The following MYH4 variants were observed in gnomAD, a reference collection of about 807,000 sequenced individuals.
MYH4 encodes myosin-4.
MYH4 carries 200 observed loss-of-function variants against 229.9 expected under a neutral mutation model. That is an observed-to-expected ratio of 0.87 (90% CI 0.78 to 0.98). The LOEUF is 0.98. Among genes scored for constraint, MYH4 ranks in the 50% least tolerant of loss-of-function variants. The pLI is 0.00. For missense variants in MYH4, 2,148 were observed against 2,332.6 expected (o/e 0.92, Z 1.63); for synonymous variants, 761 against 834.6 (o/e 0.91, Z 1.52).
chr17:10,467,634 A>G (rs1362705984), intron 2 of MYH4, among the ~76,000 whole-genome samples: 2 of 152,178 alleles, frequency 1.3e-5, no homozygotes, highest in African/African-American at 2.4e-5. Context: ...TCAACCTAAC[A>G]TATTTTAAAA....
In MYH4 at chr17:10,455,847, G is replaced by A. The variant is rs767615835; in HGVS notation, c.2023C>T (p.Arg675Trp). 1.4e-5 allele frequency: 23 copies of A among 1,614,044 alleles called. No homozygotes were observed. The East Asian group carries it at 2.0e-4, about 14-fold the overall frequency. The change falls in exon 18 of 40, where the codon CGG becomes TGG. Residue 675 changes from arginine to tryptophan, a missense_variant. Coordinates refer to ENST00000255381, the MANE Select transcript of MYH4 (RefSeq NM_017533.2). Reference sequence around the variant, plus strand: ...TTAGTTTCATTGGGGATGATGCACCGCACAAAGTGGGGGTGAGTGCTCCTC... The same window carrying A: ...TTAGTTTCATTGGGGATGATGCACCACACAAAGTGGGGGTGAGTGCTCCTC... ...NLRSTHPHFV[R>W]CIIPNETKTP...
At chr17:10,462,737 G>A (rs752277757) in intron 11 of MYH4, 128 bp downstream of exon 11, 1 of 692,270 alleles carries the variant, frequency 1.4e-6, no homozygotes, top group Non-Finnish European at 2.2e-6. Flanking sequence ...TTTTCCAAAA[G>A]TAAGAAAGCC....
chr17:10,463,119 A>T lies in MYH4; in HGVS notation c.875T>A (p.Ile292Asn). Residue 292 changes from isoleucine to asparagine, a missense_variant, in exon 10 of 40, where the codon ATC (isoleucine) becomes AAC (asparagine). Physicochemically the swap from Ile to Asn is moderately radical, Grantham distance 149. Coordinates refer to ENST00000255381, the MANE Select transcript of MYH4 (RefSeq NM_017533.2). ...GAGCTCTGGTTTCTTATTGGACAGG[A>T]TTTGATAAAATATGTGGTAGCTTCT... ...AERSYHIFYQ[I>N]LSNKKPELIE... 6.2e-7 allele frequency: 1 copy of T among 1,613,508 alleles called. No homozygotes were observed. Among genetic ancestry groups the T allele is most frequent in the Non-Finnish European group, 8.5e-7 (1 of 1,179,634 alleles).
rs1170836045 is a variant in MYH4, at chr17:10,443,734, A to G, written c.5668-207T>C. On this transcript the variant is annotated intron_variant, in intron 39 of 39. Transcript: ENST00000255381. The surrounding 1 kb of genome is among the most constrained non-coding windows in gnomAD (Gnocchi z 4.6). Reference sequence around the variant, plus strand: ...TCAGGAATTCGAGACCAGCCTGGCCAACATGGTGAAACCCCCATCTTTACT... The same window carrying G: ...TCAGGAATTCGAGACCAGCCTGGCCGACATGGTGAAACCCCCATCTTTACT... 6.6e-6 allele frequency among the ~76,000 whole-genome samples: 1 copy of G among 152,114 alleles called. No individual in the cohort carries two copies. The highest frequency in any genetic ancestry group is 1.5e-5 in the Non-Finnish European group (1 of 68,028).
At position 10,457,578 on chromosome 17, in the gene MYH4, A is replaced by G. The variant is rs764871122; in HGVS notation, c.1739T>C (p.Phe580Ser). The change falls in exon 16 of 40, where the codon TTC (phenylalanine) becomes TCC (serine). Residue 580 changes from phenylalanine (F) to serine (S), a missense_variant. Coordinates refer to ENST00000255381, the MANE Select transcript of MYH4 (RefSeq NM_017533.2). Reference protein sequence around the residue: ...KPAKGKPEAHFSLVHYAGTVD... With the variant: ...KPAKGKPEAHSSLVHYAGTVD... ...GGTGCCGGCATAGTGCACCAGTGAGAAGTGAGCCTCAGGCTTGCCTTTGGC... is the reference window on the plus strand; with the variant it reads ...GGTGCCGGCATAGTGCACCAGTGAGGAGTGAGCCTCAGGCTTGCCTTTGGC... The G allele has an allele frequency of 1.2e-6, 2 of 1,614,132 alleles. No individual in the cohort carries two copies. Among genetic ancestry groups the G allele is most frequent in the Admixed American group, 3.3e-5 (2 of 60,018 alleles).
Position 10,445,127 on chromosome 17 carries a change from T to A in MYH4, c.5315A>T (p.Glu1772Val). The change falls in exon 37 of 40, where the codon GAG (glutamate) becomes GTG (valine). Residue 1772 changes from glutamate (E) to valine (V), a missense_variant. Transcript: ENST00000255381. ...GCTGGTGTCCTGTTCCTTCTTCAGC[T>A]CCTCAGCCATCATGGCAGCCTAGTT... ...AITDAAMMAE[E>V]LKKEQDTSAH... 2.5e-6 allele frequency: 4 copies of A among 1,614,166 alleles called. No homozygotes were observed. Among genetic ancestry groups the A allele is most frequent in the Non-Finnish European group, 3.4e-6 (4 of 1,180,030 alleles).
chr17:10,457,052 C>A (rs185559020), intron 16 of MYH4, among the ~76,000 whole-genome samples: 1 of 152,334 alleles, frequency 6.6e-6, no homozygotes, highest in Non-Finnish European at 1.5e-5. Context: ...ACTTCAGTTC[C>A]CCAAGCACTA....
intron 16 of MYH4, among the ~76,000 whole-genome samples, chr17:10,456,950 C>T (rs764331763): frequency 1.3e-5 from 2 of 152,336 alleles, no homozygotes; most frequent in Middle Eastern, 3.4e-3. Context: ...AGGTGAGCCT[C>T]TGCTCACCTG....
chr17:10,461,289 G>A (rs1273554398), intron 11 of MYH4, among the ~76,000 whole-genome samples: 1 of 152,150 alleles, frequency 6.6e-6, no homozygotes, highest in East Asian at 1.9e-4. Context: ...AGCATATGAT[G>A]TGACTTGTCC....
At chr17:10,462,755 T>G in intron 11 of MYH4, 110 bp downstream of exon 11, 1 of 824,542 alleles carries the variant, frequency 1.2e-6, no homozygotes, top group Non-Finnish European at 1.8e-6. Context: ...GCCCAAAGGG[T>G]TGTATTACCT....
At chr17:10,452,572 T>G (rs1240474386) in intron 25 of MYH4, 66 bp from the exon 26 acceptor site, 1 of 1,492,942 alleles carries the variant, frequency 6.7e-7, no homozygotes, top group Non-Finnish European at 9.2e-7. Flanking sequence ...CTATGTATAA[T>G]CTAAGACTTT....
rs572596249 is a variant in MYH4 at position 10,444,779 on chromosome 17, T to C, written c.5571+16A>G. ...TTGAAAACTATAGGCCTGGAAGATATGAAAACACTGGTCACCTGGTAAGTG... is the reference window on the plus strand; with the variant it reads ...TTGAAAACTATAGGCCTGGAAGATACGAAAACACTGGTCACCTGGTAAGTG... On this transcript the variant is annotated intron_variant, in intron 38 of 39. Transcript: ENST00000255381. 2.4e-5 allele frequency: 39 copies of C among 1,613,730 alleles called. No homozygotes were observed. Among genetic ancestry groups the C allele is most frequent in the South Asian group, 1.9e-4 (17 of 91,062 alleles).
chr17:10,454,860 T>A (rs1427571652), intron 21 of MYH4, 50 bp from the exon 22 acceptor site: 10 of 1,610,204 alleles, frequency 6.2e-6, no homozygotes, highest in Non-Finnish European at 7.6e-6. Context: ...TGGAAAGTGA[T>A]CATCACTCAA....
chr17:10,468,059 A>G (rs1451476599), intron 2 of MYH4, among the ~76,000 whole-genome samples: 4 of 152,364 alleles, frequency 2.6e-5, no homozygotes, highest in East Asian at 1.9e-4. Flanking sequence ...AATCAGTCTT[A>G]TCTGTAAAAG....
At position 10,459,256 on chromosome 17, in the gene MYH4, C is replaced by T. The variant is rs756067819; in HGVS notation, c.1582G>A (p.Glu528Lys). ...GCTAGAAAAGTCATATGAACCTTCT[C>T]GATGAGCTCGATGCAGGCAGCCAGG... ...MDLAACIELI[E>K]KPMGIFSILE... The change falls in exon 15 of 40, where the codon GAG becomes AAG. Residue 528 changes from glutamate (E) to lysine (K), a missense_variant. Glu to Lys is a moderately conservative substitution (Grantham distance 56). Coordinates refer to ENST00000255381, the MANE Select transcript of MYH4 (RefSeq NM_017533.2). 26 of 1,613,890 alleles carry T rather than the reference C, an allele frequency of 1.6e-5. No individual in the cohort carries two copies. The highest frequency in any genetic ancestry group is 1.3e-4 in the African/African-American group (10 of 74,878).
intron 15 of MYH4, 81 bp downstream of exon 15, chr17:10,459,170 T>G: frequency 3.1e-6 from 5 of 1,604,974 alleles, no homozygotes; most frequent in South Asian, 1.1e-5. Context: ...GCTTGTTCTT[T>G]GAGAACAGGG....
In MYH4 at chr17:10,448,504, C is replaced by G. The variant is rs376138244; in HGVS notation, c.4548G>C (p.Leu1516=). Reference sequence around the variant, plus strand: ...TTCCACCCTCTGCAATTTGCTCTGTCAGGTCAGAAATCTCCTCTGTAATAA... The same window carrying G: ...TTCCACCCTCTGCAATTTGCTCTGTGAGGTCAGAAATCTCCTCTGTAATAA... ...NKNLQQEISD[L]TEQIAEGGKH... is the part of the protein sequence containing the mutation. Residue 1516 remains leucine, a synonymous_variant, in exon 33 of 40, where the codon CTG becomes CTC. Coordinates refer to ENST00000255381, the MANE Select transcript of MYH4 (RefSeq NM_017533.2). The G allele has an allele frequency of 1.6e-4, 252 of 1,613,488 alleles. No individual in the cohort carries two copies. The highest frequency in any genetic ancestry group is 2.0e-4 in the Non-Finnish European group (241 of 1,179,904).
At chr17:10,464,825 A>G (rs143310558) in intron 5 of MYH4, 117 bp from the exon 6 acceptor site, 20 of 986,366 alleles carry the variant, frequency 2.0e-5, no homozygotes, top group Middle Eastern at 3.2e-4. Flanking sequence ...AAATAACTAT[A>G]TGAATTTGTG....
intron 33 of MYH4, 39 bp from the exon 34 acceptor site, chr17:10,448,165 C>A: frequency 1.3e-6 from 2 of 1,526,186 alleles, no homozygotes; most frequent in Non-Finnish European, 8.8e-7. Context: ...ACCTAAAGAG[C>A]TTTTTATTTC....
Sources: gnomAD v4.1 joint callset for allele counts (sites outside exome capture counted in the v4.1 genomes callset) on GRCh38, gnomAD v4.1.1 for gene constraint, Gnocchi (gnomAD v3.1) non-coding constraint, MANE v1.5 for transcripts, NCBI Gene and HGNC (gene_info 2026-07-23, HGNC 2026-07-21) for gene names.